ZNF365: variants seen among roughly 807,000 people sequenced by gnomAD.
The protein encoded by ZNF365 is zinc finger protein 365.
In ZNF365, 22 loss-of-function variants were observed where a neutral mutation model predicts 35.0. The observed-to-expected ratio is 0.63, with a 90% CI of 0.45 to 0.90. The LOEUF (loss-of-function observed/expected upper bound fraction) is 0.90, where lower values mean the gene tolerates loss of function less well. Among genes scored for constraint, ZNF365 ranks in the 40% least tolerant of loss-of-function variants. The pLI is 0.00. For synonymous variants in ZNF365, 188 were observed against 196.2 expected (o/e 0.96, Z 0.35); for missense variants, 448 against 500.3 (o/e 0.90, Z 1.00).
rs756484511 is a variant in ZNF365, at chr10:62,399,818, G to T, written c.*29G>T. On this transcript the variant is annotated 3_prime_UTR_variant, in exon 5 of 5. Transcript: ENST00000395254. Reference sequence around the variant, plus strand: ...GGTGGGTGGTGCTGGACCAATCATCGCTGGGCTTTGGGGAACGTTGTTCCA... The same window carrying T: ...GGTGGGTGGTGCTGGACCAATCATCTCTGGGCTTTGGGGAACGTTGTTCCA... 6.3e-7 allele frequency: 1 copy of T among 1,586,980 alleles called. No homozygotes were observed. Among genetic ancestry groups the T allele is most frequent in the South Asian group, 1.1e-5 (1 of 88,966 alleles).
intron 4 of ZNF365, chr10:62,459,946 C>A: frequency 1.5e-6 from 1 of 679,206 alleles, no homozygotes; most frequent in Non-Finnish European, 2.5e-6. Flanking sequence ...TCTCCCAAGT[C>A]ATCATTAGCA....
chr10:62,415,434 C>T (rs768753079), intron 3 of ZNF365, among the ~76,000 whole-genome samples: 9 of 151,980 alleles, frequency 5.9e-5, no homozygotes, highest in Non-Finnish European at 8.8e-5. Context: ...CCTGTTATTA[C>T]GATATTGTTT....
intron 3 of ZNF365, among the ~76,000 whole-genome samples, chr10:62,412,121 G>T (rs529023195): frequency 1.5e-4 from 23 of 152,198 alleles, no homozygotes; most frequent in South Asian, 4.1e-4. Flanking sequence ...GGGATGCAAG[G>T]TTGGTTCAAT....
intron 3 of ZNF365, among the ~76,000 whole-genome samples, chr10:62,391,165 A>G (rs1839621663): frequency 6.6e-6 from 1 of 152,232 alleles, no homozygotes; most frequent in African/African-American, 2.4e-5. Flanking sequence ...TTTTGTAATA[A>G]CAGCTTAAAA....
At chr10:62,463,518 C>T (rs183149402) in intron 4 of ZNF365, among the ~76,000 whole-genome samples, 6 of 152,278 alleles carry the variant, frequency 3.9e-5, no homozygotes, top group East Asian at 3.9e-4. Context: ...CAAATATGTG[C>T]GGCTTTGGTA....
intron 3 of ZNF365, among the ~76,000 whole-genome samples, chr10:62,421,105 T>A (rs1314231218): frequency 6.6e-6 from 1 of 152,114 alleles, no homozygotes; most frequent in Non-Finnish European, 1.5e-5. Context: ...TAGTGGTAGC[T>A]CATTGCTTAT....
intron 3 of ZNF365, among the ~76,000 whole-genome samples, chr10:62,432,932 C>A (rs1300409246): frequency 2.6e-5 from 4 of 152,278 alleles, no homozygotes; most frequent in South Asian, 2.1e-4. Context: ...TCCCAGTAAA[C>A]CCAAATTAGG....
chr10:62,413,331 A>G (rs572027715), intron 3 of ZNF365, among the ~76,000 whole-genome samples: 5 of 152,312 alleles, frequency 3.3e-5, no homozygotes, highest in African/African-American at 1.2e-4. Context: ...TACGACAATG[A>G]AAATGTGCAT....
intron 4 of ZNF365, among the ~76,000 whole-genome samples, chr10:62,463,430 A>C (rs1840880977): frequency 6.6e-6 from 1 of 152,260 alleles, no homozygotes; most frequent in Non-Finnish European, 1.5e-5. Flanking sequence ...TCAAAAGAGC[A>C]TCCCACTAAG....
intron 3 of ZNF365, among the ~76,000 whole-genome samples, chr10:62,456,605 C>G (rs944792296): frequency 6.6e-6 from 1 of 152,188 alleles, no homozygotes; most frequent in East Asian, 1.9e-4. Context: ...AGAGGCAGAA[C>G]TGGCATTAGA....
chr10:62,413,187 G>A (rs1050038633), intron 3 of ZNF365, among the ~76,000 whole-genome samples: 2 of 152,044 alleles, frequency 1.3e-5, no homozygotes, highest in East Asian at 1.9e-4. Context: ...CACCAAAGTC[G>A]TAAACTACTG....
In ZNF365 at chr10:62,401,062, G is replaced by T; in HGVS notation, c.*1273G>T. ...TCCTTAAATTTAGCAATATCATCAG[G>T]TCTCTTGCAGAGTTTACAAGTGCTG... On this transcript the variant is annotated 3_prime_UTR_variant, in exon 5 of 5. Coordinates refer to ENST00000395254, the MANE Select transcript of ZNF365 (RefSeq NM_014951.3). The T allele has an allele frequency of 3.0e-6, 3 of 985,274 alleles. No homozygotes were observed. Among genetic ancestry groups the T allele is most frequent in the Non-Finnish European group, 3.6e-6 (3 of 829,896 alleles). 61.0% of individuals were successfully genotyped at this position (985,274 alleles called of 1,614,324 possible).
chr10:62,400,512 G>A lies in ZNF365; in HGVS notation c.*723G>A. Reference sequence around the variant, plus strand: ...GTATTCTGCACCCACAGACCATGCTGCCAGCCTCTATCTTAATAGCTGCTT... The same window carrying A: ...GTATTCTGCACCCACAGACCATGCTACCAGCCTCTATCTTAATAGCTGCTT... On this transcript the variant is annotated 3_prime_UTR_variant, in exon 5 of 5. Coordinates refer to ENST00000395254, the MANE Select transcript of ZNF365 (RefSeq NM_014951.3). 2 of 985,946 alleles carry A rather than the reference G, an allele frequency of 2.0e-6. No individual in the cohort carries two copies. The highest frequency in any genetic ancestry group is 6.1e-5 in the Admixed American group (1 of 16,280). The allele number at this position is 985,946 out of a possible 1,614,324, so 61.1% of individuals were successfully genotyped here.
intron 4 of ZNF365, among the ~76,000 whole-genome samples, chr10:62,476,914 A>G (rs1841141605): frequency 6.6e-6 from 1 of 152,258 alleles, no homozygotes; most frequent in African/African-American, 2.4e-5. Flanking sequence ...GGCAATGTCC[A>G]TCATATATTA....
chr10:62,478,461 C>T lies in ZNF365; in HGVS notation c.982-1415C>T, dbSNP rs185052668. Among the ~76,000 whole-genome samples, 20 of 152,318 alleles carry T rather than the reference C, an allele frequency of 1.3e-4. 1 individual carries two copies. Among genetic ancestry groups the T allele is most frequent in the East Asian group, 3.9e-4 (2 of 5,192 alleles). On this transcript the variant is annotated intron_variant, in intron 4 of 4. Coordinates refer to the ZNF365 transcript ENST00000395255. ...CTTACTTTTACATTATTGTCTTTGG[C>T]TACATCTCAAGAAAGAATTATAGAA... is the stretch of plus-strand genomic sequence containing the variant.
intron 3 of ZNF365, among the ~76,000 whole-genome samples, chr10:62,434,578 C>T (rs1337164626): frequency 2.0e-5 from 3 of 152,142 alleles, no homozygotes; most frequent in Non-Finnish European, 4.4e-5. Flanking sequence ...GCAGGGAAAG[C>T]ACTGAAAGCA....
intron 1 of ZNF365, among the ~76,000 whole-genome samples, chr10:62,375,135 A>G (rs1342094863): frequency 6.6e-6 from 1 of 152,130 alleles, no homozygotes. Flanking sequence ...TTTAAGTAGA[A>G]ACCTTTCATG....
chr10:62,375,907 T>G, intron 1 of ZNF365: 1 of 353,778 alleles, frequency 2.8e-6, no homozygotes, highest in East Asian at 5.4e-5. Context: ...ATATTTTAGC[T>G]TTTAGGAGCA....
chr10:62,395,966 C>G (rs1839720269), intron 3 of ZNF365, among the ~76,000 whole-genome samples: 1 of 152,054 alleles, frequency 6.6e-6, no homozygotes, highest in South Asian at 2.1e-4. Flanking sequence ...TCTCCCTAAT[C>G]AAAAAGAAGA....
Sources: allele counts gnomAD v4.1 joint callset (sites outside exome capture counted in the v4.1 genomes callset), GRCh38; gene constraint gnomAD v4.1.1; transcripts MANE v1.5; gene names NCBI Gene and HGNC (gene_info 2026-07-23, HGNC 2026-07-21).